CALN1: variants seen among roughly 807,000 people sequenced by gnomAD.
CALN1 encodes calneuron 1.
Under a neutral mutation model 30.6 loss-of-function variants are expected in CALN1, and 17 were observed. That is an observed-to-expected ratio of 0.56 (90% confidence interval 0.38 to 0.83). The LOEUF (loss-of-function observed/expected upper bound fraction) is 0.83. Ranked by LOEUF, CALN1 falls within the 40% of genes least tolerant of loss-of-function variation. The pLI, the probability that CALN1 is intolerant of heterozygous loss-of-function variation, is 0.00. For missense variants in CALN1, 291 were observed against 354.9 expected, an observed-to-expected ratio of 0.82 and a Z score of 1.45; for synonymous variants, 156 against 131.4, an observed-to-expected ratio of 1.19 and a Z score of -1.28.
chr7:72,415,004 G>A (rs913346109), upstream of CALN1, among the ~76,000 whole-genome samples: 9 of 152,370 alleles, frequency 5.9e-5, no homozygotes, highest in African/African-American at 2.2e-4. Flanking sequence ...ATAAGAGGAA[G>A]AGAGGGATCT....
At chr7:71,826,765 C>T (rs1428044994) in intron 5 of CALN1, among the ~76,000 whole-genome samples, 1 of 152,196 alleles carries the variant, frequency 6.6e-6, no homozygotes, top group Non-Finnish European at 1.5e-5. Flanking sequence ...CAACCTCTGC[C>T]TCCCAGGCTC....
intron 2 of CALN1, among the ~76,000 whole-genome samples, chr7:72,311,081 G>C (rs946006466): frequency 6.6e-6 from 1 of 151,690 alleles, no homozygotes; most frequent in African/African-American, 2.4e-5. Context: ...CACCTCTTCC[G>C]ACTCTGCCAC....
At chr7:72,155,368 T>C (rs1487983929) in intron 3 of CALN1, among the ~76,000 whole-genome samples, 2 of 151,926 alleles carry the variant, frequency 1.3e-5, no homozygotes, top group Admixed American at 1.3e-4. Flanking sequence ...GGCAGGTGCC[T>C]GTAGTCCCAG....
intron 5 of CALN1, among the ~76,000 whole-genome samples, chr7:71,998,858 A>C (rs1428354597): frequency 6.6e-6 from 1 of 152,088 alleles, no homozygotes; most frequent in Non-Finnish European, 1.5e-5. Context: ...ACCCAAAGAG[A>C]TATACTTTAA....
intron 2 of CALN1, among the ~76,000 whole-genome samples, chr7:72,355,399 G>A (rs1404554995): frequency 2.0e-5 from 3 of 152,126 alleles, no homozygotes; most frequent in Admixed American, 6.5e-5. Context: ...GGTGGCGCAC[G>A]CCTGTAATCC....
intron 5 of CALN1, among the ~76,000 whole-genome samples, chr7:72,014,723 A>G (rs1407332192): frequency 6.6e-6 from 1 of 151,974 alleles, no homozygotes; most frequent in East Asian, 1.9e-4. Context: ...GTGCAGTGGC[A>G]TGATCATGGC....
chr7:72,226,081 C>A (rs549372431), intron 3 of CALN1, among the ~76,000 whole-genome samples: 3 of 123,088 alleles, frequency 2.4e-5, no homozygotes, highest in Admixed American at 9.3e-5. Flanking sequence ...GGTGACAGAG[C>A]GAGACTCCAC....
At chr7:72,398,141 G>A (rs553554126) in intron 2 of CALN1, among the ~76,000 whole-genome samples, 1 of 152,304 alleles carries the variant, frequency 6.6e-6, no homozygotes, top group South Asian at 2.1e-4. Context: ...CAAGCAAAGA[G>A]GAGTCCAGCT....
At chr7:71,869,737 T>G (rs761746213) in intron 5 of CALN1, among the ~76,000 whole-genome samples, 1 of 152,164 alleles carries the variant, frequency 6.6e-6, no homozygotes, top group South Asian at 2.1e-4. Flanking sequence ...ATTCATGAAG[T>G]AGTACATTTT....
At chr7:71,848,029 G>C (rs543830662) in intron 5 of CALN1, among the ~76,000 whole-genome samples, 28 of 152,048 alleles carry the variant, frequency 1.8e-4, no homozygotes, top group African/African-American at 4.1e-4. Context: ...AAAAACACCT[G>C]AACAGAAATA....
intron 3 of CALN1, among the ~76,000 whole-genome samples, chr7:72,156,647 C>A (rs1214175172): frequency 6.6e-6 from 1 of 152,206 alleles, no homozygotes; most frequent in Non-Finnish European, 1.5e-5. Flanking sequence ...TCAAGCTGGG[C>A]ATCCCAACAC....
intron 3 of CALN1, among the ~76,000 whole-genome samples, chr7:72,252,067 C>T (rs1168732963): frequency 6.6e-6 from 1 of 152,182 alleles, no homozygotes; most frequent in African/African-American, 2.4e-5. Context: ...AGTCCAGACT[C>T]AGTTTTGTAA....
chr7:72,043,621 C>G (rs976610410), intron 4 of CALN1, among the ~76,000 whole-genome samples: 23 of 151,882 alleles, frequency 1.5e-4, no homozygotes, highest in African/African-American at 5.3e-4. Context: ...ATAAAAAAAA[C>G]TTGGCCAGGC....
At chr7:71,797,216 C>T (rs1021537868) in intron 6 of CALN1, among the ~76,000 whole-genome samples, 9 of 152,090 alleles carry the variant, frequency 5.9e-5, no homozygotes, top group South Asian at 2.1e-4. Flanking sequence ...CCTTGCTCCG[C>T]GACAGACCAA....
intron 5 of CALN1, among the ~76,000 whole-genome samples, chr7:71,979,918 C>T (rs1798306592): frequency 7.7e-6 from 1 of 129,194 alleles, no homozygotes; most frequent in South Asian, 2.6e-4. Flanking sequence ...CACTCTGTTG[C>T]CCAAGCTGGA....
chr7:72,078,145 T>C (rs1307269383), intron 4 of CALN1, among the ~76,000 whole-genome samples: 3 of 151,314 alleles, frequency 2.0e-5, no homozygotes, highest in Non-Finnish European at 3.0e-5. Flanking sequence ...GAGCGAGGAG[T>C]GGTGTGTTAG....
intron 2 of CALN1, among the ~76,000 whole-genome samples, chr7:72,341,060 T>G (rs1376760195): frequency 6.6e-6 from 1 of 152,238 alleles, no homozygotes; most frequent in African/African-American, 2.4e-5. Flanking sequence ...GTATTATATT[T>G]ACAGGGGTTT....
At chr7:72,300,536 C>G (rs796913108) in intron 2 of CALN1, among the ~76,000 whole-genome samples, 2 of 152,208 alleles carry the variant, frequency 1.3e-5, no homozygotes, top group African/African-American at 4.8e-5. Context: ...TAATGACATC[C>G]AAACATCTTT....
chr7:72,167,469 C>G (rs34346791), intron 3 of CALN1, among the ~76,000 whole-genome samples: 1,907 of 152,182 alleles, frequency 0.013, 50 homozygotes, highest in Non-Finnish European at 0.013. Flanking sequence ...GTCAGCCTTC[C>G]CAGTAGCTGG....
Sources: gnomAD v4.1 joint callset for allele counts (sites outside exome capture counted in the v4.1 genomes callset) on GRCh38, gnomAD v4.1.1 for gene constraint, MANE v1.5 for transcripts, NCBI Gene and HGNC (gene_info 2026-07-23, HGNC 2026-07-21) for gene names.